Variants in RPS6KB1 observed in about 807,000 individuals in gnomAD.
RPS6KB1 encodes the protein ribosomal protein S6 kinase B1, also known as ribosomal protein S6 kinase beta-1.
A neutral mutation model predicts 70.2 loss-of-function variants in RPS6KB1; 12 were observed. The ratio of observed to expected loss-of-function variants is 0.17; its 90% CI spans 0.11 to 0.28. The LOEUF (loss-of-function observed/expected upper bound fraction) is 0.28. RPS6KB1 is among the 10% of genes least tolerant of loss of function. The pLI, the probability that RPS6KB1 is intolerant of heterozygous loss-of-function variation, is 1.00. For synonymous variants in RPS6KB1, 175 were observed against 211.2 expected, an observed-to-expected ratio of 0.83 and a Z score of 1.49; for missense variants, 270 against 646.6, an observed-to-expected ratio of 0.42 and a Z score of 6.32.
chr17:59,924,141 C>T (rs1598757512), intron 4 of RPS6KB1, among the ~76,000 whole-genome samples: 1 of 152,068 alleles, frequency 6.6e-6, no homozygotes, highest in East Asian at 1.9e-4. Flanking sequence ...CCAGCCTGGC[C>T]AGCATGGTGA....
intron 4 of RPS6KB1, among the ~76,000 whole-genome samples, chr17:59,924,852 G>A (rs898472127): frequency 1.3e-5 from 2 of 148,570 alleles, no homozygotes; most frequent in African/African-American, 2.5e-5. Context: ...TTTTTGAGAC[G>A]GAGTCTCACT....
intron 1 of RPS6KB1, among the ~76,000 whole-genome samples, chr17:59,910,193 GAAA>G (rs980658679): frequency 1.3e-5 from 1 of 78,424 alleles, no homozygotes; most frequent in Non-Finnish European, 2.7e-5. Context: ...TCTCAAAAAA[GAAA>G]AAAAAAAAAA....
chr17:59,912,474 C>G (rs945861019), intron 2 of RPS6KB1: 2 of 455,638 alleles, frequency 4.4e-6, no homozygotes, highest in Non-Finnish European at 8.0e-6. Flanking sequence ...AATTGATTGC[C>G]CATTCTATGA....
At chr17:59,904,373 A>C (rs1403686139) in intron 1 of RPS6KB1, among the ~76,000 whole-genome samples, 1 of 148,892 alleles carries the variant, frequency 6.7e-6, no homozygotes, top group Non-Finnish European at 1.5e-5. Context: ...GCCACTGCGC[A>C]CAGCCCGGAG....
chr17:59,941,047 G>T, intron 13 of RPS6KB1, 104 bp downstream of exon 13: 4 of 595,044 alleles, frequency 6.7e-6, no homozygotes, highest in East Asian at 3.0e-5. Flanking sequence ...TAGGTAACCT[G>T]GCCCACTTTT....
At chr17:59,921,528 G>A (rs1328039587) in intron 4 of RPS6KB1, among the ~76,000 whole-genome samples, 3 of 152,142 alleles carry the variant, frequency 2.0e-5, no homozygotes, top group Non-Finnish European at 4.4e-5. Flanking sequence ...TGTGGTAAGT[G>A]TATACCTCTT....
intron 1 of RPS6KB1, among the ~76,000 whole-genome samples, chr17:59,896,398 T>C (rs1182027644): frequency 6.6e-6 from 1 of 152,140 alleles, no homozygotes; most frequent in Non-Finnish European, 1.5e-5. Flanking sequence ...TTCTCCATGT[T>C]GGTCAGGCTG....
intron 1 of RPS6KB1, among the ~76,000 whole-genome samples, chr17:59,902,939 G>C (rs1165263889): frequency 6.6e-6 from 1 of 152,058 alleles, no homozygotes; most frequent in Non-Finnish European, 1.5e-5. Context: ...CTAGCACTGT[G>C]GGAGGCTGAG....
Position 59,946,492 on chromosome 17 carries a change from A to G in RPS6KB1, c.1341-59A>G. The stretch of plus-strand genomic sequence containing the variant: ...CCCACTCCCTTTAAACGTAAAGGAA[A>G]TATGTCTTGTTGAGATGACCCTTAA... On this transcript the variant is annotated intron_variant, in intron 14 of 14. Coordinates refer to ENST00000225577, the MANE Select transcript of RPS6KB1 (RefSeq NM_003161.4). This position sits in a 1 kb window ranked among gnomAD's most constrained non-coding sequence, Gnocchi z 4.2. 8.0e-7 allele frequency: 1 copy of G among 1,257,746 alleles called. No individual in the cohort carries two copies. The highest frequency in any genetic ancestry group is 1.2e-6 in the Non-Finnish European group (1 of 861,014). 77.9% of individuals were successfully genotyped at this position (1,257,746 alleles called of 1,614,324 possible).
At chr17:59,923,302 G>A (rs1420698182) in intron 4 of RPS6KB1, among the ~76,000 whole-genome samples, 2 of 151,622 alleles carry the variant, frequency 1.3e-5, no homozygotes, top group African/African-American at 2.4e-5. Flanking sequence ...AGTCATTCTC[G>A]TGCCTCAGCC....
chr17:59,935,903 C>T (rs1411469475), intron 10 of RPS6KB1, among the ~76,000 whole-genome samples: 1 of 151,958 alleles, frequency 6.6e-6, no homozygotes, highest in Non-Finnish European at 1.5e-5. Flanking sequence ...CCTCCACCTC[C>T]CAGGTTCAAG....
chr17:59,909,090 C>T (rs918727352), intron 1 of RPS6KB1, among the ~76,000 whole-genome samples: 1 of 150,430 alleles, frequency 6.6e-6, no homozygotes, highest in African/African-American at 2.4e-5. Context: ...CCACGGCCGA[C>T]TAATTTTGTA....
chr17:59,935,393 A>G, intron 10 of RPS6KB1, 93 bp downstream of exon 10: 1 of 638,022 alleles, frequency 1.6e-6, no homozygotes, highest in East Asian at 3.0e-5. Context: ...AAAGAGTCAT[A>G]TATAAATATT....
intron 1 of RPS6KB1, among the ~76,000 whole-genome samples, chr17:59,902,876 T>C (rs2042040610): frequency 6.6e-6 from 1 of 152,104 alleles, no homozygotes; most frequent in Non-Finnish European, 1.5e-5. Context: ...CCTCCTCGCC[T>C]GGCCTGAATA....
chr17:59,900,230 A>ACCC (rs71145588), intron 1 of RPS6KB1, among the ~76,000 whole-genome samples: 2 of 136,736 alleles, frequency 1.5e-5, no homozygotes. Flanking sequence ...ACACACACAC[A>ACCC]CCCCTATGTG....
chr17:59,899,838 T>G (rs1439973064), intron 1 of RPS6KB1, among the ~76,000 whole-genome samples: 1 of 152,110 alleles, frequency 6.6e-6, no homozygotes, highest in Non-Finnish European at 1.5e-5. Flanking sequence ...TTTTGTGTTT[T>G]GGGGGCATTT....
chr17:59,908,704 C>T (rs1312642791), intron 1 of RPS6KB1, among the ~76,000 whole-genome samples: 8 of 135,754 alleles, frequency 5.9e-5, no homozygotes, highest in Non-Finnish European at 1.3e-4. Context: ...CTGCAAGCTC[C>T]GCCTCCCGGG....
intron 1 of RPS6KB1, among the ~76,000 whole-genome samples, chr17:59,909,189 A>G (rs1179035786): frequency 6.5e-5 from 9 of 139,030 alleles, no homozygotes; most frequent in Non-Finnish European, 1.4e-4. Flanking sequence ...CGGCCTCCCA[A>G]ACTGCTGGGA....
chr17:59,920,940 C>T (rs1290934889), intron 4 of RPS6KB1, among the ~76,000 whole-genome samples: 1 of 152,176 alleles, frequency 6.6e-6, no homozygotes, highest in East Asian at 1.9e-4. Flanking sequence ...CTCAAGTGAC[C>T]GCCCACCTCA....
Sources: gnomAD v4.1 joint callset for allele counts (sites outside exome capture counted in the v4.1 genomes callset) on GRCh38, gnomAD v4.1.1 for gene constraint, Gnocchi (gnomAD v3.1) non-coding constraint, MANE v1.5 for transcripts, NCBI Gene and HGNC (gene_info 2026-07-23, HGNC 2026-07-21) for gene names.